Variants in AKAP19 observed in about 807,000 individuals in gnomAD.
AKAP19 encodes small A-kinase anchoring protein.
At chr2:189,923,640 C>A in the AKAP19 span, 2 of 1,614,046 alleles carry the variant, frequency 1.2e-6, no homozygotes, top group Non-Finnish European at 1.7e-6. Context: ...CGATCTGCAG[C>A]GGAGATGTAC....
the AKAP19 span, among the ~76,000 whole-genome samples, chr2:189,940,970 G>T: frequency 6.6e-6 from 1 of 152,122 alleles, no homozygotes; most frequent in African/African-American, 2.4e-5. Flanking sequence ...AACCCTCAAA[G>T]GTCAAGGATA....
At chr2:189,930,676 C>A in the AKAP19 span, 3 of 314,842 alleles carry the variant, frequency 9.5e-6, no homozygotes, top group African/African-American at 4.8e-5. Context: ...AACTCCCTCT[C>A]AAAAAAAAAA....
At chr2:189,892,280 C>T in the AKAP19 span, among the ~76,000 whole-genome samples, 2 of 152,008 alleles carry the variant, frequency 1.3e-5, no homozygotes, top group Non-Finnish European at 2.9e-5. Context: ...CCCTTGCTGG[C>T]GAGGAGTTGT....
the AKAP19 span, among the ~76,000 whole-genome samples, chr2:190,042,598 T>A: frequency 6.6e-6 from 1 of 152,222 alleles, no homozygotes. Context: ...CTTTCAGTTG[T>A]GAAGTTAGGT....
the AKAP19 span, among the ~76,000 whole-genome samples, chr2:190,031,796 C>T: frequency 4.0e-3 from 614 of 152,194 alleles, 5 homozygotes; most frequent in African/African-American, 0.014. Context: ...CTTCCACTGT[C>T]CTGGAAAGAA....
chr2:189,952,985 A>G, the AKAP19 span, among the ~76,000 whole-genome samples: 1 of 152,202 alleles, frequency 6.6e-6, no homozygotes, highest in African/African-American at 2.4e-5. Context: ...GATTATGGTA[A>G]TATCAACAGA....
chr2:190,200,019 G>C, the AKAP19 span: 1 of 1,614,040 alleles, frequency 6.2e-7, no homozygotes, highest in African/African-American at 1.3e-5. Context: ...AACCTCCAGG[G>C]ACCAATACTG....
At chr2:190,034,383 T>C in the AKAP19 span, among the ~76,000 whole-genome samples, 1 of 151,602 alleles carries the variant, frequency 6.6e-6, no homozygotes, top group African/African-American at 2.4e-5. Context: ...TTTTAATGAT[T>C]GTTAATTTGT....
the AKAP19 span, among the ~76,000 whole-genome samples, chr2:190,072,010 A>T: frequency 6.6e-6 from 1 of 152,198 alleles, no homozygotes; most frequent in Non-Finnish European, 1.5e-5. Context: ...TAATAAAAAT[A>T]CATAAAGAAA....
At chr2:190,070,615 C>G in the AKAP19 span, among the ~76,000 whole-genome samples, 1 of 91,656 alleles carries the variant, frequency 1.1e-5, no homozygotes, top group Non-Finnish European at 1.8e-5. Flanking sequence ...CCCTCTCTCT[C>G]CCCCCCCCCT....
the AKAP19 span, among the ~76,000 whole-genome samples, chr2:189,903,984 A>C: frequency 6.6e-6 from 1 of 152,086 alleles, no homozygotes; most frequent in Non-Finnish European, 1.5e-5. Flanking sequence ...ACTTGTAGAA[A>C]GTAAACTTAG....
chr2:190,017,722 A>G, the AKAP19 span, among the ~76,000 whole-genome samples: 1 of 152,200 alleles, frequency 6.6e-6, no homozygotes, highest in African/African-American at 2.4e-5. Flanking sequence ...TATTCAGAAT[A>G]TGACTCTGTA....
At chr2:190,109,764 A>G in the AKAP19 span, among the ~76,000 whole-genome samples, 1 of 152,208 alleles carries the variant, frequency 6.6e-6, no homozygotes, top group Admixed American at 6.5e-5. Flanking sequence ...AAAGAAACCT[A>G]TAACTTCAGA....
the AKAP19 span, among the ~76,000 whole-genome samples, chr2:190,198,827 TAAGAGGAGTTC>T: frequency 2.0e-5 from 3 of 152,088 alleles, no homozygotes; most frequent in African/African-American, 7.2e-5. Context: ...TTAAGTCCCT[TAAGAGGAGTTC>T]ATTCTGTGAT....
chr2:190,120,567 C>T, the AKAP19 span, among the ~76,000 whole-genome samples: 34 of 152,290 alleles, frequency 2.2e-4, no homozygotes, highest in South Asian at 6.4e-3. Context: ...AGGCTGGAAC[C>T]ACTCAAACTA....
chr2:189,942,439 A>T, the AKAP19 span, among the ~76,000 whole-genome samples: 2 of 152,192 alleles, frequency 1.3e-5, no homozygotes, highest in African/African-American at 4.8e-5. Context: ...TTTTCTCTAT[A>T]AATTACCCAG....
the AKAP19 span, among the ~76,000 whole-genome samples, chr2:189,933,103 GA>G: frequency 1.3e-5 from 2 of 152,244 alleles, no homozygotes; most frequent in Non-Finnish European, 2.9e-5. Context: ...TCAGATTTGA[GA>G]AAAAACTTAT....
the AKAP19 span, among the ~76,000 whole-genome samples, chr2:190,152,314 T>C: frequency 6.6e-6 from 1 of 152,338 alleles, no homozygotes; most frequent in East Asian, 1.9e-4. Context: ...CCCCATAACA[T>C]AGCATGAGTA....
At chr2:190,199,671 A>G in the AKAP19 span, 4 of 1,394,272 alleles carry the variant, frequency 2.9e-6, no homozygotes, top group East Asian at 7.6e-5. Flanking sequence ...TGTAACTTCA[A>G]AATGAAACCT....
Sources: allele counts gnomAD v4.1 joint callset (sites outside exome capture counted in the v4.1 genomes callset), GRCh38; gene constraint gnomAD v4.1.1; transcripts MANE v1.5; gene names NCBI Gene and HGNC (gene_info 2026-07-23, HGNC 2026-07-21).